Variants in HECW1 observed in about 807,000 individuals in gnomAD.
The protein encoded by HECW1 is HECT, C2 and WW domain containing E3 ubiquitin protein ligase 1.
Under a neutral mutation model 182.3 loss-of-function variants are expected in HECW1, and 61 were observed. The ratio of observed to expected loss-of-function variants is 0.33; its 90% CI spans 0.27 to 0.41. The LOEUF is 0.41. Among genes scored for constraint, HECW1 ranks in the 10% least tolerant of loss-of-function variants. The probability of loss-of-function intolerance (pLI) is 1.00; values close to 1 mark genes in which losing one functional copy is unlikely to be tolerated. For missense variants in HECW1, 1,739 were observed against 2,108.9 expected (o/e 0.82, Z 3.44); for synonymous variants, 859 against 832.6 (o/e 1.03, Z -0.55).
intron 4 of HECW1, among the ~76,000 whole-genome samples, chr7:43,318,085 A>G (rs903555503): frequency 6.6e-6 from 1 of 152,208 alleles, no homozygotes; most frequent in African/African-American, 2.4e-5. Flanking sequence ...GGAACAGAAC[A>G]AAGTACCCAA....
chr7:43,509,840 A>C (rs148814993), intron 24 of HECW1: 1 of 152,394 alleles, frequency 6.6e-6, no homozygotes, highest in African/African-American at 2.4e-5. Flanking sequence ...TGAGTCCTGG[A>C]GATGGCTAAT....
intron 2 of HECW1, among the ~76,000 whole-genome samples, chr7:43,202,130 TGAA>T (rs1795063242): frequency 6.6e-6 from 1 of 152,230 alleles, no homozygotes; most frequent in Admixed American, 6.5e-5. Context: ...CAAGTAGATG[TGAA>T]AGCCAAGGGC....
At chr7:43,320,797 A>G (rs1485163720) in intron 5 of HECW1, 55 bp downstream of exon 5, 6 of 1,296,586 alleles carry the variant, frequency 4.6e-6, no homozygotes, top group Non-Finnish European at 6.7e-6. Context: ...GCAGAATTCA[A>G]CTGTTTCATT....
At chr7:43,528,558 A>C (rs2152944817) in intron 24 of HECW1, among the ~76,000 whole-genome samples, 1 of 152,274 alleles carries the variant, frequency 6.6e-6, no homozygotes, top group East Asian at 1.9e-4. Flanking sequence ...AGCAATACTA[A>C]GTATGTTATT....
chr7:43,477,233 G>A (rs1333464569), intron 16 of HECW1, among the ~76,000 whole-genome samples: 3 of 152,060 alleles, frequency 2.0e-5, no homozygotes, highest in African/African-American at 7.2e-5. Flanking sequence ...TGATAGATCT[G>A]GACAACTGTT....
At chr7:43,326,846 C>A (rs933320077) in intron 5 of HECW1, among the ~76,000 whole-genome samples, 1 of 152,228 alleles carries the variant, frequency 6.6e-6, no homozygotes, top group Non-Finnish European at 1.5e-5. Context: ...TCTCCCTTGA[C>A]ATTCAGAGCA....
intron 3 of HECW1, among the ~76,000 whole-genome samples, chr7:43,290,048 G>C (rs761879717): frequency 2.6e-5 from 4 of 152,214 alleles, no homozygotes; most frequent in Non-Finnish European, 5.9e-5. Context: ...GAAGGCTTCA[G>C]AAAGACAGAT....
Position 43,444,364 on chromosome 7 carries a change from G to A in HECW1, c.1192G>A (p.Glu398Lys), listed in dbSNP as rs781520389. 2 of 1,614,132 alleles carry A rather than the reference G, an allele frequency of 1.2e-6. No individual in the cohort carries two copies. Among genetic ancestry groups the A allele is most frequent in the Non-Finnish European group, 1.7e-6 (2 of 1,180,010 alleles). The part of the protein sequence containing the change: ...SESWKPEQLG[E>K]GSVPDGPGNQ... The stretch of plus-strand genomic sequence containing the variant: ...GAGCTGGAAGCCAGAGCAGCTGGGT[G>A]AGGGCAGTGTCCCCGATGGTCCAGG... Residue 398 changes from glutamate to lysine, a missense_variant, in exon 11 of 30, where the codon GAG (glutamate) becomes AAG (lysine). Transcript: ENST00000395891. The surrounding 1 kb of genome is among the most constrained non-coding windows in gnomAD (Gnocchi z 4.3).
intron 2 of HECW1, among the ~76,000 whole-genome samples, chr7:43,224,955 T>A (rs1437592664): frequency 6.6e-6 from 1 of 152,138 alleles, no homozygotes; most frequent in African/African-American, 2.4e-5. Context: ...TTTCAGGCTG[T>A]TTGCTGTGCT....
intron 3 of HECW1, among the ~76,000 whole-genome samples, chr7:43,307,858 A>C (rs925934760): frequency 7.4e-6 from 1 of 135,958 alleles, no homozygotes; most frequent in Non-Finnish European, 1.5e-5. Flanking sequence ...AGCTAACTTG[A>C]TTGTGGTAAT....
chr7:43,121,966 T>C (rs1385548996), intron 2 of HECW1: 1 of 152,214 alleles, frequency 6.6e-6, no homozygotes, highest in African/African-American at 2.4e-5. Flanking sequence ...CTGCATTTCG[T>C]TGCTTCTAGA....
chr7:43,114,547 C>T (rs1285274778), intron 2 of HECW1, among the ~76,000 whole-genome samples, 156 bp downstream of exon 2: 1 of 152,208 alleles, frequency 6.6e-6, no homozygotes, highest in African/African-American at 2.4e-5. Context: ...TCCCTGTTGC[C>T]TGTTCCCTCC....
intron 2 of HECW1, among the ~76,000 whole-genome samples, chr7:43,203,960 T>G (rs1007907036): frequency 6.6e-6 from 1 of 152,196 alleles, no homozygotes; most frequent in African/African-American, 2.4e-5. Context: ...AAAGCACAAA[T>G]TGAATTATAA....
At chr7:43,213,773 T>C in intron 2 of HECW1, among the ~76,000 whole-genome samples, 1 of 152,238 alleles carries the variant, frequency 6.6e-6, no homozygotes, top group Non-Finnish European at 1.5e-5. Context: ...TAAATTTAAA[T>C]CTTTATACAT....
chr7:43,269,704 C>T lies in HECW1; in HGVS notation c.27+25772C>T, dbSNP rs80279419. ...TGGGGCATTCCTAGAGCCTTTTTAA[C>T]TGTTGTCAAAAGTCTAGGCTGTCTG... On this transcript the variant is annotated intron_variant, in intron 3 of 29. Transcript: ENST00000395891. 9.6e-3 allele frequency among the ~76,000 whole-genome samples: 1,457 copies of T among 152,304 alleles called. 30 individuals carry two copies. The highest frequency in any genetic ancestry group is 0.033 in the African/African-American group (1,375 of 41,568).
At chr7:43,114,847 A>C (rs998016536) in intron 2 of HECW1, among the ~76,000 whole-genome samples, 3 of 152,244 alleles carry the variant, frequency 2.0e-5, no homozygotes, top group Non-Finnish European at 1.5e-5. Flanking sequence ...TCAATGTATC[A>C]ATACAGAGGG....
At chr7:43,312,208 C>A in intron 4 of HECW1, 121 bp downstream of exon 4, 1 of 910,530 alleles carries the variant, frequency 1.1e-6, no homozygotes, top group Middle Eastern at 3.4e-4. Flanking sequence ...CAGATTCTAA[C>A]ACACTGAAGA....
At position 43,450,876 on chromosome 7, in the gene HECW1, C is replaced by T. The variant is rs1417738750; in HGVS notation, c.2447C>T (p.Ser816Phe). Residue 816 changes from serine (S) to phenylalanine (F), a missense_variant, in exon 12 of 30, where the codon TCC becomes TTC. By Grantham distance (155) the Ser-to-Phe change is radical (BLOSUM62 -2). Coordinates refer to ENST00000395891, the MANE Select transcript of HECW1 (RefSeq NM_015052.5). ...TCCCAGCCAGTAAGCCAGCTTCCTT[C>T]CCTGAGGCCTGAACATCATCACTAC... Reference protein sequence around the residue: ...HNSQPVSQLPSLRPEHHHYPT... With the variant: ...HNSQPVSQLPFLRPEHHHYPT... 1.2e-6 allele frequency: 2 copies of T among 1,613,544 alleles called. No homozygotes were observed. The highest frequency in any genetic ancestry group is 1.1e-5 in the South Asian group (1 of 91,074).
At position 43,213,115 on chromosome 7, in the gene HECW1, T is replaced by C. The variant is rs1056090839; in HGVS notation, c.-31-30760T>C. On this transcript the variant is annotated intron_variant, in intron 2 of 29. Transcript: ENST00000395891. ...CTCGGTGAAAGAATAGCAGGTGTAA[T>C]TCTCCATCACCTGATAAGGCATGAT... Among the ~76,000 whole-genome samples the C allele has an allele frequency of 4.6e-5, 7 of 152,138 alleles. No homozygotes were observed. In the East Asian group the frequency reaches 1.2e-3, roughly 25 times the overall value.
Sources: allele counts gnomAD v4.1 joint callset (sites outside exome capture counted in the v4.1 genomes callset), GRCh38; gene constraint gnomAD v4.1.1; non-coding constraint Gnocchi (gnomAD v3.1); transcripts MANE v1.5; gene names NCBI Gene and HGNC (gene_info 2026-07-23, HGNC 2026-07-21).